Variants in EIF4E3 observed in about 807,000 individuals in gnomAD.
The protein encoded by EIF4E3 is eukaryotic translation initiation factor 4E type 3.
Under a neutral mutation model 31.7 loss-of-function variants are expected in EIF4E3, and 26 were observed. The observed-to-expected ratio is 0.82, with a 90% CI of 0.60 to 1.14. The LOEUF (loss-of-function observed/expected upper bound fraction) is 1.14. Ranked by LOEUF, EIF4E3 falls within the 50% of genes most tolerant of loss-of-function variation. The pLI, the probability that EIF4E3 is intolerant of heterozygous loss-of-function variation, is 0.00. For missense variants in EIF4E3, 304 were observed against 270.9 expected, an observed-to-expected ratio of 1.12 and a Z score of -0.86; for synonymous variants, 128 against 107.7, an observed-to-expected ratio of 1.19 and a Z score of -1.17.
In EIF4E3 at chr3:71,690,129, T is replaced by C; in HGVS notation, c.509A>G (p.Asp170Gly). ...CCAGACTTGGACGACGTCTTCTCGG[T>C]CCCGAACACTGACACTAACTCCTAT... ...EVIGVSVSVR[D>G]REDVVQVWNV... The change falls in exon 6 of 7, where the codon GAC (aspartate) becomes GGC (glycine). Residue 170 changes from aspartate (D) to glycine (G), a missense_variant. Asp to Gly is a moderately conservative substitution (Grantham distance 94). Coordinates refer to ENST00000425534, the MANE Select transcript of EIF4E3 (RefSeq NM_001134651.2). 6.2e-7 allele frequency: 1 copy of C among 1,613,368 alleles called. No homozygotes were observed. The highest frequency in any genetic ancestry group is 8.5e-7 in the Non-Finnish European group (1 of 1,179,804).
At chr3:71,734,810 T>C (rs546039191) in intron 1 of EIF4E3, among the ~76,000 whole-genome samples, 7 of 152,330 alleles carry the variant, frequency 4.6e-5, no homozygotes, top group Non-Finnish European at 8.8e-5. Context: ...CTGGAAGATA[T>C]CAGAAAATGA....
intron 1 of EIF4E3, among the ~76,000 whole-genome samples, chr3:71,752,215 G>A (rs1005516057): frequency 6.6e-6 from 1 of 152,106 alleles, no homozygotes; most frequent in African/African-American, 2.4e-5. Context: ...CAGAACCTCC[G>A]GCCCCATTCC....
Position 71,725,129 on chromosome 3 carries a change from A to G in EIF4E3, c.176+63T>C. On this transcript the variant is annotated intron_variant, in intron 1 of 6. Transcript: ENST00000425534. The surrounding 1 kb of genome is among the most constrained non-coding windows in gnomAD (Gnocchi z 6.1). Reference sequence around the variant, plus strand: ...CCGGGGCGAGGGGCCGCGCCGAGACAAAGCGGCGGTGGCGGCAGGACCCGG... The same window carrying G: ...CCGGGGCGAGGGGCCGCGCCGAGACGAAGCGGCGGTGGCGGCAGGACCCGG... 9.8e-7 allele frequency: 1 copy of G among 1,017,222 alleles called. No homozygotes were observed. Among genetic ancestry groups the G allele is most frequent in the Non-Finnish European group, 1.2e-6 (1 of 850,778 alleles). 63.0% of individuals were successfully genotyped at this position (1,017,222 alleles called of 1,614,324 possible). A position where few individuals can be genotyped will look rare whatever the true frequency, so the allele number is the denominator to read the frequency against.
rs371536464 is a variant in EIF4E3 at position 71,681,349 on chromosome 3, TGTCA to T, written c.*3329_*3332del. On this transcript the variant is annotated 3_prime_UTR_variant, in exon 7 of 7. Transcript: ENST00000425534. Reference sequence around the variant, plus strand: ...GCCACCATGCGATCGTTCCAAAGGCTGTCAGTTTTGTCTAAAGACACAAGCTGGG... The same window carrying T: ...GCCACCATGCGATCGTTCCAAAGGCTGTTTTGTCTAAAGACACAAGCTGGG... 6.6e-6 allele frequency: 1 copy of T among 152,350 alleles called. No individual in the cohort carries two copies. Among genetic ancestry groups the T allele is most frequent in the South Asian group, 2.1e-4 (1 of 4,830 alleles). The allele number at this position is 152,350 out of a possible 1,614,324, so 9.4% of individuals were successfully genotyped here. A position where few individuals can be genotyped will look rare whatever the true frequency, so the allele number is the denominator to read the frequency against.
chr3:71,749,820 T>G (rs895703921), intron 1 of EIF4E3, among the ~76,000 whole-genome samples: 1 of 152,222 alleles, frequency 6.6e-6, no homozygotes, highest in African/African-American at 2.4e-5. Context: ...GATGAAGGCA[T>G]GCAATTTGGT....
At chr3:71,687,956 A>G (rs3796226) in intron 6 of EIF4E3, among the ~76,000 whole-genome samples, 37,819 of 152,188 alleles carry the variant, frequency 0.25, 5,840 homozygotes, top group East Asian at 0.69. Context: ...TGCAGCAAGT[A>G]GTGTATACCC....
At chr3:71,691,640 C>T (rs1314224330) in intron 5 of EIF4E3, among the ~76,000 whole-genome samples, 1 of 152,168 alleles carries the variant, frequency 6.6e-6, no homozygotes. Flanking sequence ...CAGTTGTATG[C>T]TTACTTTGTG....
chr3:71,686,543 AGTGTGTGTGTGTGT>A (rs61264269), intron 6 of EIF4E3, among the ~76,000 whole-genome samples: 2 of 143,498 alleles, frequency 1.4e-5, no homozygotes, highest in African/African-American at 2.6e-5. Flanking sequence ...TTTCACATTG[AGTGTGTGTGTGTGT>A]GTGTGTGTGT....
chr3:71,753,878 A>T (rs919606167), upstream of EIF4E3, among the ~76,000 whole-genome samples: 134 of 145,564 alleles, frequency 9.2e-4, no homozygotes, highest in African/African-American at 3.2e-3. Flanking sequence ...CGGCGGCGGC[A>T]CAGCGGCGGC....
At chr3:71,697,438 T>C (rs1206168168) in intron 3 of EIF4E3, among the ~76,000 whole-genome samples, 2 of 152,262 alleles carry the variant, frequency 1.3e-5, no homozygotes, top group African/African-American at 4.8e-5. Context: ...ATTCCAATTC[T>C]ACTCTTTTAG....
chr3:71,682,578 T>C lies in EIF4E3; in HGVS notation c.*2104A>G, dbSNP rs1233659701. On this transcript the variant is annotated 3_prime_UTR_variant, in exon 7 of 7. Coordinates refer to ENST00000425534, the MANE Select transcript of EIF4E3 (RefSeq NM_001134651.2). ...TCCTCTCTGAAAGTAATTTAGATGATAGGTTTTTAACATTAGGCAAATTAA... is the reference window on the plus strand; with the variant it reads ...TCCTCTCTGAAAGTAATTTAGATGACAGGTTTTTAACATTAGGCAAATTAA... 1 of 152,468 alleles carries C rather than the reference T, an allele frequency of 6.6e-6. No individual in the cohort carries two copies. The highest frequency in any genetic ancestry group is 1.5e-5 in the Non-Finnish European group (1 of 68,028). The allele number at this position is 152,468 out of a possible 1,614,324, so 9.4% of individuals were successfully genotyped here. A position where few individuals can be genotyped will look rare whatever the true frequency, so the allele number is the denominator to read the frequency against.
chr3:71,698,076 A>T (rs114976781), intron 3 of EIF4E3, among the ~76,000 whole-genome samples: 4,440 of 152,242 alleles, frequency 0.029, 89 homozygotes, highest in African/African-American at 0.056. Context: ...ACCAGCATTC[A>T]TTATTACCTG....
At chr3:71,690,206 C>A in intron 5 of EIF4E3, 41 bp from the exon 6 acceptor site, 1 of 1,554,934 alleles carries the variant, frequency 6.4e-7, no homozygotes. Flanking sequence ...AGTGATACTT[C>A]CAAGTCAGTC....
At chr3:71,745,534 T>C (rs1273761691) in intron 1 of EIF4E3, among the ~76,000 whole-genome samples, 1 of 152,164 alleles carries the variant, frequency 6.6e-6, no homozygotes, top group Admixed American at 6.5e-5. Context: ...GTAGAAAGTA[T>C]CAATAATCGA....
At chr3:71,689,860 A>AT (rs1455806164) in intron 6 of EIF4E3, 150 bp downstream of exon 6, 4 of 818,152 alleles carry the variant, frequency 4.9e-6, no homozygotes, top group East Asian at 7.0e-5. Flanking sequence ...TTTTTAAAAA[A>AT]AAAAAAAACT....
rs2107992945 is a variant in EIF4E3, at chr3:71,679,245, G to A, written c.*5437C>T. On this transcript the variant is annotated 3_prime_UTR_variant, in exon 7 of 7. Transcript: ENST00000425534. ...TTATTTGTATGTGAAAAGATGAGAG[G>A]TAGCATAAATTTTCTATAGAAAACT... is the stretch of plus-strand genomic sequence containing the variant. The A allele has an allele frequency of 6.6e-6, 1 of 152,222 alleles. No individual in the cohort carries two copies. Among genetic ancestry groups the A allele is most frequent in the East Asian group, 1.9e-4 (1 of 5,188 alleles). 9.4% of individuals were successfully genotyped at this position (152,222 alleles called of 1,614,324 possible). A position where few individuals can be genotyped will look rare whatever the true frequency, so the allele number is the denominator to read the frequency against.
rs148977359 is a variant in EIF4E3 at position 71,753,053 on chromosome 3, G to A, written c.-291+410C>T. On this transcript the variant is annotated intron_variant, in intron 1 of 7. Coordinates refer to the EIF4E3 transcript ENST00000295612. The stretch of plus-strand genomic sequence containing the variant: ...GATCACGGATGAGTTAGCGAGCAGG[G>A]GATGCTGCGGAGTCGCTGTGAGTCC... 4.6e-5 allele frequency among the ~76,000 whole-genome samples: 7 copies of A among 152,256 alleles called. No homozygotes were observed. The East Asian group carries it at 1.4e-3, about 29-fold the overall frequency.
chr3:71,754,432 G>T, upstream of EIF4E3: 1 of 1,347,188 alleles, frequency 7.4e-7, no homozygotes, highest in Non-Finnish European at 9.6e-7. The surrounding 1 kb of genome is among the most constrained non-coding windows in gnomAD (Gnocchi z 5.8). Flanking sequence ...GCGCACCACC[G>T]CTTCTATGCA....
At chr3:71,752,075 A>G (rs1344701048) in intron 1 of EIF4E3, among the ~76,000 whole-genome samples, 2 of 152,220 alleles carry the variant, frequency 1.3e-5, no homozygotes, top group Admixed American at 1.3e-4. Flanking sequence ...CAGGTGCTCA[A>G]TAGTTGATTT....
Sources: allele counts gnomAD v4.1 joint callset (sites outside exome capture counted in the v4.1 genomes callset), GRCh38; gene constraint gnomAD v4.1.1; non-coding constraint Gnocchi (gnomAD v3.1); transcripts MANE v1.5; gene names NCBI Gene and HGNC (gene_info 2026-07-23, HGNC 2026-07-21).